The following PIK3CB variants were observed in gnomAD, a reference collection of about 807,000 sequenced individuals.
PIK3CB encodes the protein phosphatidylinositol-4,5-bisphosphate 3-kinase catalytic subunit beta.
PIK3CB carries 39 observed loss-of-function variants against 136.8 expected under a neutral mutation model. The ratio of observed to expected loss-of-function variants is 0.29; its 90% confidence interval spans 0.22 to 0.37. The LOEUF (loss-of-function observed/expected upper bound fraction) is 0.37. Among genes scored for constraint, PIK3CB ranks in the 10% least tolerant of loss-of-function variants. The pLI is 1.00. For synonymous variants in PIK3CB, 428 were observed against 436.6 expected, an observed-to-expected ratio of 0.98 and a Z score of 0.25; for missense variants, 868 against 1,275.4, an observed-to-expected ratio of 0.68 and a Z score of 4.87.
At chr3:138,833,035 T>TA (rs1049698030) in intron 1 of PIK3CB, among the ~76,000 whole-genome samples, 8 of 151,014 alleles carry the variant, frequency 5.3e-5, no homozygotes, top group Middle Eastern at 3.2e-3. Flanking sequence ...AATTTTTTTT[T>TA]AAAAAAGAAG....
In PIK3CB at chr3:138,778,363, A is replaced by T. The variant is rs146370388; in HGVS notation, c.-17+18100T>A. 3.4e-3 allele frequency: 1,052 copies of T among 311,378 alleles called. 1 individual carries two copies. The highest frequency in any genetic ancestry group is 4.9e-3 in the Non-Finnish European group (765 of 157,552). 19.3% of individuals were successfully genotyped at this position (311,378 alleles called of 1,614,324 possible). ...GAATCATGACCTCATCCATGCTACT[A>T]TCACTGACATCCAGAAGACCACTGA... On this transcript the variant is annotated intron_variant, in intron 2 of 23. Transcript: ENST00000674063.
At chr3:138,698,423 A>G (rs1192715588) in intron 13 of PIK3CB, among the ~76,000 whole-genome samples, 1 of 152,206 alleles carries the variant, frequency 6.6e-6, no homozygotes, top group Non-Finnish European at 1.5e-5. Context: ...TCTTTTTTCT[A>G]TTCTGTCAAA....
intron 2 of PIK3CB, among the ~76,000 whole-genome samples, chr3:138,790,829 AG>A (rs2046040293): frequency 6.7e-6 from 1 of 149,450 alleles, no homozygotes; most frequent in African/African-American, 2.5e-5. Context: ...AAAAAAAAAA[AG>A]AAAAAACCCT....
intron 1 of PIK3CB, among the ~76,000 whole-genome samples, chr3:138,809,424 G>A (rs1418342104): frequency 2.6e-5 from 4 of 151,636 alleles, no homozygotes; most frequent in Admixed American, 1.3e-4. Context: ...TGGCCAACAT[G>A]GTGAAACCCC....
In PIK3CB at chr3:138,792,844, T is replaced by C. The variant is rs538704528; in HGVS notation, c.-17+3619A>G. Among the ~76,000 whole-genome samples the C allele has an allele frequency of 2.0e-5, 3 of 152,206 alleles. No individual in the cohort carries two copies. The East Asian group carries it at 5.8e-4, about 29-fold the overall frequency. ...CCAGACTGGAGTGCAGTGGTCCAAT[T>C]ACAGCTCACTGCAACCTTGAATTCC... On this transcript the variant is annotated intron_variant, in intron 2 of 23. Transcript: ENST00000674063.
rs769082299 is a variant in PIK3CB at position 138,694,900 on chromosome 3, G to A, written c.1778C>T (p.Ala593Val). The change falls in exon 14 of 24, where the codon GCG becomes GTG. Residue 593 changes from alanine to valine, a missense_variant. Ala to Val is a moderately conservative substitution (Grantham distance 64). Transcript: ENST00000674063. The stretch of plus-strand genomic sequence containing the variant: ...CAGTTTAGGCCAAATCTGAAGCAGC[G>A]CCTGAAGCTGTTTAAAAAATGAAAC... ...NKLEDVAQLQ[A>V]LLQIWPKLPP... The A allele has an allele frequency of 1.0e-5, 16 of 1,586,430 alleles. No individual in the cohort carries two copies. Among genetic ancestry groups the A allele is most frequent in the East Asian group, 2.2e-5 (1 of 44,550 alleles).
chr3:138,827,594 A>C (rs569335202), intron 1 of PIK3CB, among the ~76,000 whole-genome samples: 44 of 151,960 alleles, frequency 2.9e-4, no homozygotes, highest in Non-Finnish European at 4.9e-4. Flanking sequence ...CAGGAGGATC[A>C]CTTGAGCACA....
At chr3:138,760,116 GTTTC>G (rs1213724507) in intron 2 of PIK3CB, among the ~76,000 whole-genome samples, 1 of 152,070 alleles carries the variant, frequency 6.6e-6, no homozygotes, top group Non-Finnish European at 1.5e-5. Flanking sequence ...TAGAGACGGG[GTTTC>G]AACCGTGTTA....
chr3:138,767,887 C>T (rs977616811), intron 2 of PIK3CB, among the ~76,000 whole-genome samples: 1 of 152,218 alleles, frequency 6.6e-6, no homozygotes, highest in African/African-American at 2.4e-5. Flanking sequence ...CAGGTCTGGG[C>T]TCCCCAAAGG....
intron 8 of PIK3CB, among the ~76,000 whole-genome samples, chr3:138,719,672 C>T (rs571271134): frequency 6.6e-6 from 1 of 152,156 alleles, no homozygotes; most frequent in Non-Finnish European, 1.5e-5. Context: ...AAGAACCATA[C>T]AACAATTATT....
chr3:138,819,401 A>G (rs1933465082), intron 1 of PIK3CB, among the ~76,000 whole-genome samples: 1 of 152,156 alleles, frequency 6.6e-6, no homozygotes, highest in Non-Finnish European at 1.5e-5. Flanking sequence ...TAAATTTTAA[A>G]TTTTAGAAAG....
At chr3:138,693,968 AT>A (rs2044076394) in intron 14 of PIK3CB, among the ~76,000 whole-genome samples, 11 of 59,026 alleles carry the variant, frequency 1.9e-4, no homozygotes, top group African/African-American at 5.7e-4. Flanking sequence ...TATATATATT[AT>A]ATATATATAT....
chr3:138,719,986 A>G (rs1037265722), intron 8 of PIK3CB, among the ~76,000 whole-genome samples: 1 of 152,204 alleles, frequency 6.6e-6, no homozygotes, highest in Non-Finnish European at 1.5e-5. Flanking sequence ...TAGGCTAGAA[A>G]AAAAAAGCTT....
At chr3:138,730,342 C>T (rs369598487) in intron 8 of PIK3CB, among the ~76,000 whole-genome samples, 1 of 152,046 alleles carries the variant, frequency 6.6e-6, no homozygotes, top group South Asian at 2.1e-4. Flanking sequence ...ACGCATAATG[C>T]TTGAGAAAAA....
chr3:138,659,324 C>A (rs2043245868), intron 21 of PIK3CB, among the ~76,000 whole-genome samples: 1 of 152,118 alleles, frequency 6.6e-6, no homozygotes, highest in Admixed American at 6.5e-5. Context: ...AGTTTTGTGA[C>A]CCTGCAAGTT....
At chr3:138,671,213 T>G (rs185260164) in intron 19 of PIK3CB, among the ~76,000 whole-genome samples, 1 of 152,330 alleles carries the variant, frequency 6.6e-6, no homozygotes, top group Admixed American at 6.5e-5. Flanking sequence ...CCCATAGATA[T>G]GTAAGCCTAT....
At position 138,721,207 on chromosome 3, in the gene PIK3CB, C is replaced by T. The variant is rs143614600; in HGVS notation, c.1051-6488G>A. Among the ~76,000 whole-genome samples the T allele has an allele frequency of 2.8e-3, 429 of 152,064 alleles. 2 individuals are homozygous for T. Among genetic ancestry groups the T allele is most frequent in the African/African-American group, 9.4e-3 (389 of 41,498 alleles). Reference sequence around the variant, plus strand: ...GACAGAGTTTTGCTCTCATTGCCCACGCTGGAGTGCAATGGCATGATCTCG... The same window carrying T: ...GACAGAGTTTTGCTCTCATTGCCCATGCTGGAGTGCAATGGCATGATCTCG... On this transcript the variant is annotated intron_variant, in intron 8 of 23. Transcript: ENST00000674063.
At chr3:138,795,148 C>T (rs980718074) in intron 2 of PIK3CB, among the ~76,000 whole-genome samples, 5 of 151,596 alleles carry the variant, frequency 3.3e-5, no homozygotes, top group African/African-American at 1.2e-4. Context: ...GGTAAAACCC[C>T]GTCTCTACTA....
At chr3:138,753,296 G>A (rs1014936241) in intron 4 of PIK3CB, among the ~76,000 whole-genome samples, 1 of 152,150 alleles carries the variant, frequency 6.6e-6, no homozygotes, top group African/African-American at 2.4e-5. Flanking sequence ...CGAGGCAGGC[G>A]GATCATCTGA....
Sources: gnomAD v4.1 joint callset for allele counts (sites outside exome capture counted in the v4.1 genomes callset) on GRCh38, gnomAD v4.1.1 for gene constraint, MANE v1.5 for transcripts, NCBI Gene and HGNC (gene_info 2026-07-23, HGNC 2026-07-21) for gene names.